The following LARP1 variants were observed in gnomAD, a reference collection of about 807,000 sequenced individuals.
LARP1 encodes La ribonucleoprotein 1, translational regulator, also known as la-related protein 1.
Under a neutral mutation model 122.7 loss-of-function variants are expected in LARP1, and 36 were observed. The observed-to-expected ratio is 0.29, with a 90% CI of 0.22 to 0.39. The LOEUF (loss-of-function observed/expected upper bound fraction) is 0.39. Among genes scored for constraint, LARP1 ranks in the 10% least tolerant of loss-of-function variants. The pLI is 1.00. For synonymous variants in LARP1, 539 were observed against 528.7 expected (o/e 1.02, Z -0.27); for missense variants, 1,040 against 1,403.6 (o/e 0.74, Z 4.14).
At chr5:154,789,135 C>T (rs763646932) in intron 1 of LARP1, among the ~76,000 whole-genome samples, 145 of 150,010 alleles carry the variant, frequency 9.7e-4, no homozygotes, top group Non-Finnish European at 5.6e-4. Flanking sequence ...CACTTGAACC[C>T]GGGAGGCAGG....
chr5:154,768,661 A>C (rs952847177), intron 1 of LARP1, among the ~76,000 whole-genome samples: 6 of 152,244 alleles, frequency 3.9e-5, no homozygotes, highest in African/African-American at 1.4e-4. Flanking sequence ...GGCTCACTGC[A>C]ACCTCCACCT....
At chr5:154,752,503 A>G (rs535105287), upstream of LARP1, among the ~76,000 whole-genome samples, 66 of 152,064 alleles carry the variant, frequency 4.3e-4, 1 homozygote, top group African/African-American at 1.5e-3. Context: ...TCAGCCTCCC[A>G]AAGTGCCGGG....
chr5:154,726,559 A>T, intron 1 of LARP1, among the ~76,000 whole-genome samples: 1 of 152,240 alleles, frequency 6.6e-6, no homozygotes, highest in South Asian at 2.1e-4. Context: ...ATTTCTGCAT[A>T]TAAGTACAAT....
intron 1 of LARP1, among the ~76,000 whole-genome samples, chr5:154,740,154 G>A (rs1237157973): frequency 1.3e-5 from 2 of 151,728 alleles, no homozygotes; most frequent in African/African-American, 4.8e-5. Flanking sequence ...CACCTTGGGA[G>A]GCCGAGGCGG....
chr5:154,693,782 A>G (rs1024123396), intron 1 of LARP1, among the ~76,000 whole-genome samples: 7 of 151,120 alleles, frequency 4.6e-5, no homozygotes, highest in South Asian at 2.1e-4. Flanking sequence ...CGTGAACTGG[A>G]GAGGCGGAGC....
At chr5:154,754,456 TA>T (rs1245701951), upstream of LARP1, among the ~76,000 whole-genome samples, 4 of 152,068 alleles carry the variant, frequency 2.6e-5, no homozygotes, top group African/African-American at 9.7e-5. Context: ...AGGGCCAGGA[TA>T]AAATCTCAGA....
chr5:154,755,326 C>T (rs1486911364), upstream of LARP1, among the ~76,000 whole-genome samples: 1 of 149,590 alleles, frequency 6.7e-6, no homozygotes, highest in Non-Finnish European at 1.5e-5. Flanking sequence ...CCGCCCGCCG[C>T]CTGCCGCGGA....
At chr5:154,693,380 A>G (rs1754313592) in intron 1 of LARP1, among the ~76,000 whole-genome samples, 1 of 152,142 alleles carries the variant, frequency 6.6e-6, no homozygotes, top group African/African-American at 2.4e-5. Flanking sequence ...ACAAAAAAAG[A>G]ATAGGGAGAG....
At chr5:154,725,433 C>A (rs1756150029) in intron 1 of LARP1, among the ~76,000 whole-genome samples, 2 of 148,810 alleles carry the variant, frequency 1.3e-5, no homozygotes, top group Admixed American at 6.7e-5. Context: ...ATCTGTAGTT[C>A]CAGCTACTTG....
chr5:154,788,213 G>A (rs1757040845), intron 1 of LARP1, among the ~76,000 whole-genome samples: 1 of 152,234 alleles, frequency 6.6e-6, no homozygotes, highest in South Asian at 2.1e-4. Flanking sequence ...GGCTAACCCA[G>A]GAGTCCCAGG....
intron 1 of LARP1, among the ~76,000 whole-genome samples, chr5:154,728,808 C>T (rs181300650): frequency 6.6e-4 from 101 of 152,148 alleles, no homozygotes; most frequent in African/African-American, 2.3e-3. Flanking sequence ...CATAGAACAC[C>T]CAAGGAAGAG....
chr5:154,719,802 C>T (rs1357154748), intron 1 of LARP1, among the ~76,000 whole-genome samples: 1 of 149,668 alleles, frequency 6.7e-6, no homozygotes, highest in Admixed American at 6.7e-5. Context: ...GCAGAGGTTG[C>T]AGTGAGCCGA....
rs566672013 is a variant in LARP1, at chr5:154,790,329, C to G, written c.441C>G (p.His147Gln). The change falls in exon 2 of 19, where the codon CAC becomes CAG. Residue 147 changes from histidine (H) to glutamine (Q), a missense_variant. By Grantham distance (24) the His-to-Gln change is conservative. Around this residue, in one of 8 missense-constraint regions of LARP1, gnomAD observed 257 missense variants for 273.3 expected, o/e 0.94. Coordinates refer to ENST00000518297, the MANE Select transcript of LARP1 (RefSeq NM_033551.3). ...TCTCCCTTCTTGTTCCCACAGAACA[C>G]TCTGCTCCAGCCAAGGTGGTGAGGG... ...TTVNGQSPPEHSAPAKVVRAA... is the reference protein window; with the variant it reads ...TTVNGQSPPEQSAPAKVVRAA... 6.2e-7 allele frequency: 1 copy of G among 1,613,484 alleles called. No individual in the cohort carries two copies. The highest frequency in any genetic ancestry group is 8.5e-7 in the Non-Finnish European group (1 of 1,179,720).
chr5:154,703,728 C>T (rs948792483), intron 1 of LARP1, among the ~76,000 whole-genome samples: 10 of 152,148 alleles, frequency 6.6e-5, no homozygotes, highest in African/African-American at 2.2e-4. Context: ...TCAAGCAATT[C>T]TCCTGCCTTA....
intron 1 of LARP1, among the ~76,000 whole-genome samples, chr5:154,776,603 A>G (rs544179696): frequency 1.3e-5 from 2 of 152,376 alleles, no homozygotes; most frequent in Admixed American, 1.3e-4. Flanking sequence ...TTAATCTGCC[A>G]TGAGCAATTG....
chr5:154,772,587 T>G (rs1268713297), intron 1 of LARP1, among the ~76,000 whole-genome samples: 1 of 152,208 alleles, frequency 6.6e-6, no homozygotes, highest in Non-Finnish European at 1.5e-5. Flanking sequence ...AATTTGTAAA[T>G]TAGGCGCAGT....
intron 1 of LARP1, among the ~76,000 whole-genome samples, chr5:154,750,029 G>A (rs1200232085): frequency 1.3e-5 from 2 of 152,312 alleles, no homozygotes; most frequent in Admixed American, 6.5e-5. Flanking sequence ...GGCTCAGGAG[G>A]CTGCCCAAAG....
intron 1 of LARP1, chr5:154,756,435 G>GTTT: frequency 1.0e-6 from 1 of 992,608 alleles, no homozygotes; most frequent in Non-Finnish European, 1.2e-6. Flanking sequence ...GGCCGCAGCG[G>GTTT]TTAGTGGGCA....
At chr5:154,719,479 TCC>T (rs1755721446) in intron 1 of LARP1, among the ~76,000 whole-genome samples, 1 of 152,202 alleles carries the variant, frequency 6.6e-6, no homozygotes, top group Non-Finnish European at 1.5e-5. Flanking sequence ...AAACCAATCA[TCC>T]TGAAATACAA....
Sources: gnomAD v4.1 joint callset for allele counts (sites outside exome capture counted in the v4.1 genomes callset) on GRCh38, gnomAD v4.1.1 for gene constraint, gnomAD v4.1.1 regional missense constraint, MANE v1.5 for transcripts, NCBI Gene and HGNC (gene_info 2026-07-23, HGNC 2026-07-21) for gene names.